The following DTNB variants were observed in gnomAD, a reference collection of about 807,000 sequenced individuals.
DTNB encodes the protein dystrobrevin beta.
A neutral mutation model predicts 90.7 loss-of-function variants in DTNB; 63 were observed. The ratio of observed to expected loss-of-function variants is 0.69; its 90% CI spans 0.57 to 0.86. The LOEUF (loss-of-function observed/expected upper bound fraction) is 0.86. DTNB is among the 40% of genes least tolerant of loss of function. The probability of loss-of-function intolerance (pLI) is 0.00; values close to 1 mark genes in which losing one functional copy is unlikely to be tolerated. For missense variants in DTNB, 744 were observed against 807.1 expected (o/e 0.92, Z 0.95); for synonymous variants, 277 against 286.7 (o/e 0.97, Z 0.34).
chr2:25,515,259 T>C (rs1298663015), intron 9 of DTNB, among the ~76,000 whole-genome samples: 2 of 152,126 alleles, frequency 1.3e-5, no homozygotes, highest in African/African-American at 4.8e-5. Context: ...AGAATCCCTA[T>C]CAAAATCTTT....
intron 10 of DTNB, among the ~76,000 whole-genome samples, chr2:25,475,625 G>A (rs929108285): frequency 2.0e-5 from 3 of 152,182 alleles, no homozygotes; most frequent in African/African-American, 4.8e-5. Flanking sequence ...GGCTTCTATC[G>A]GAAGAAGATG....
chr2:25,523,619 C>T (rs1397687397), intron 9 of DTNB, among the ~76,000 whole-genome samples: 75 of 137,404 alleles, frequency 5.5e-4, no homozygotes, highest in Non-Finnish European at 8.5e-4. Context: ...CCAGCCTGGG[C>T]GACAGAGCAA....
chr2:25,513,888 T>C (rs1435043260), intron 9 of DTNB, among the ~76,000 whole-genome samples: 2 of 151,924 alleles, frequency 1.3e-5, no homozygotes, highest in East Asian at 1.9e-4. Context: ...CATGCAGTTA[T>C]GCATTCTGTA....
At chr2:25,603,316 C>T (rs1005057324) in intron 5 of DTNB, among the ~76,000 whole-genome samples, 16 of 152,142 alleles carry the variant, frequency 1.1e-4, no homozygotes, top group Admixed American at 9.2e-4. Context: ...TTTTGGGTTT[C>T]TGACATTACT....
chr2:25,386,480 A>G (rs1052484435), intron 18 of DTNB, among the ~76,000 whole-genome samples: 7 of 152,246 alleles, frequency 4.6e-5, no homozygotes, highest in Admixed American at 3.9e-4. Flanking sequence ...TGAGTGACCT[A>G]CAGCGCTTAG....
intron 9 of DTNB, among the ~76,000 whole-genome samples, chr2:25,507,626 T>C (rs114306046): frequency 0.012 from 1,824 of 152,266 alleles, 41 homozygotes; most frequent in African/African-American, 0.041. Context: ...CACCCAAGTC[T>C]TCCTCTCACC....
At chr2:25,416,783 T>TGGAA (rs879624056) in intron 16 of DTNB, among the ~76,000 whole-genome samples, 5,172 of 117,832 alleles carry the variant, frequency 0.044, 179 homozygotes, top group Middle Eastern at 0.096. Flanking sequence ...AGCCAGAACC[T>TGGAA]GGAAGGAAGG....
At chr2:25,567,198 ATTGT>A (rs950815451) in intron 8 of DTNB, among the ~76,000 whole-genome samples, 7 of 152,222 alleles carry the variant, frequency 4.6e-5, no homozygotes, top group Non-Finnish European at 1.0e-4. Context: ...CACAAAGTTA[ATTGT>A]TTAATTATGA....
chr2:25,495,959 C>T (rs2068738871), intron 9 of DTNB, among the ~76,000 whole-genome samples: 1 of 152,180 alleles, frequency 6.6e-6, no homozygotes, highest in African/African-American at 2.4e-5. Flanking sequence ...AGCAATTTAG[C>T]ATAGCCATTT....
intron 3 of DTNB, among the ~76,000 whole-genome samples, chr2:25,630,951 T>C (rs1372244342): frequency 6.9e-6 from 1 of 145,428 alleles, no homozygotes; most frequent in Non-Finnish European, 1.5e-5. Flanking sequence ...CAGTTAAAAA[T>C]AAAAGATACC....
chr2:25,625,676 G>A (rs1163807926), intron 4 of DTNB, among the ~76,000 whole-genome samples: 1 of 149,526 alleles, frequency 6.7e-6, no homozygotes, highest in Non-Finnish European at 1.5e-5. Flanking sequence ...CTCGGAATAT[G>A]GCCCAGGATA....
intron 16 of DTNB, among the ~76,000 whole-genome samples, chr2:25,402,254 G>A (rs778348526): frequency 6.6e-6 from 1 of 152,134 alleles, no homozygotes; most frequent in Non-Finnish European, 1.5e-5. Flanking sequence ...CGCCTCACAC[G>A]ACAAGAGTTA....
chr2:25,644,823 A>G lies in DTNB; in HGVS notation c.68-5729T>C, dbSNP rs117646151. 8.1e-4 allele frequency among the ~76,000 whole-genome samples: 123 copies of G among 152,272 alleles called. 1 individual carries two copies. In the East Asian group the frequency reaches 0.016, roughly 20 times the overall value. ...TTATTAGTTCAAATAACTAACACAA[A>G]TGACTTCCTTATCTTTTTCTTTGCA... On this transcript the variant is annotated intron_variant, in intron 2 of 20. Coordinates refer to ENST00000406818, the MANE Select transcript of DTNB (RefSeq NM_021907.5).
rs190604211 is a variant in DTNB at position 25,622,336 on chromosome 2, T to C, written c.362+5835A>G. Among the ~76,000 whole-genome samples the C allele has an allele frequency of 6.1e-3, 934 of 152,212 alleles. 10 individuals are homozygous for C. The highest frequency in any genetic ancestry group is 0.021 in the African/African-American group (872 of 41,532). Reference sequence around the variant, plus strand: ...CCGTCTCTACTGAACATATAAAAATTAGCCAGGCGTGGTGGCGTATGCCTG... The same window carrying C: ...CCGTCTCTACTGAACATATAAAAATCAGCCAGGCGTGGTGGCGTATGCCTG... On this transcript the variant is annotated intron_variant, in intron 4 of 20. Coordinates refer to ENST00000406818, the MANE Select transcript of DTNB (RefSeq NM_021907.5).
intron 8 of DTNB, among the ~76,000 whole-genome samples, chr2:25,537,473 A>T (rs1423365303): frequency 1.3e-5 from 2 of 152,196 alleles, no homozygotes; most frequent in Non-Finnish European, 2.9e-5. Context: ...GCAGCTTGGT[A>T]TGTATGGGAA....
Position 25,516,102 on chromosome 2 carries a change from G to A in DTNB, c.1001+15371C>T, listed in dbSNP as rs532685585. On this transcript the variant is annotated intron_variant, in intron 9 of 20. Transcript: ENST00000406818. ...ATATCATTAGTCATTAGGGAAATAC[G>A]AATTAAAACTACAGTAAGATCCTAC... Among the ~76,000 whole-genome samples the A allele has an allele frequency of 9.4e-4, 143 of 152,216 alleles. 1 individual carries two copies. Among genetic ancestry groups the A allele is most frequent in the Admixed American group, 3.1e-3 (48 of 15,282 alleles).
At chr2:25,509,743 ATTC>A (rs2073478497) in intron 9 of DTNB, among the ~76,000 whole-genome samples, 1 of 82,826 alleles carries the variant, frequency 1.2e-5, no homozygotes, top group Non-Finnish European at 2.4e-5. Flanking sequence ...TTTCTTTTAG[ATTC>A]TTTTTTTTTT....
At chr2:25,589,747 G>A (rs751720586) in intron 6 of DTNB, among the ~76,000 whole-genome samples, 56 of 152,172 alleles carry the variant, frequency 3.7e-4, no homozygotes, top group Non-Finnish European at 6.8e-4. Flanking sequence ...TCGAACTAAA[G>A]TCAATATTGT....
intron 9 of DTNB, among the ~76,000 whole-genome samples, chr2:25,483,819 A>G (rs1247592638): frequency 3.3e-5 from 5 of 152,244 alleles, no homozygotes; most frequent in African/African-American, 1.2e-4. Context: ...TCCTCTTTTA[A>G]ACTGGAAGAA....
Sources: allele counts gnomAD v4.1 joint callset (sites outside exome capture counted in the v4.1 genomes callset), GRCh38; gene constraint gnomAD v4.1.1; transcripts MANE v1.5; gene names NCBI Gene and HGNC (gene_info 2026-07-23, HGNC 2026-07-21).